The following TCF4 variants were observed in gnomAD, a reference collection of about 807,000 sequenced individuals.
TCF4 encodes SL3-3 enhancer factor 2.
Under a neutral mutation model 82.1 loss-of-function variants are expected in TCF4, and 3 were observed. The ratio of observed to expected loss-of-function variants is 0.04; its 90% CI spans 0.02 to 0.09. The LOEUF (loss-of-function observed/expected upper bound fraction) is 0.09. Among genes scored for constraint, TCF4 ranks in the 10% least tolerant of loss-of-function variants. The probability of loss-of-function intolerance (pLI) is 1.00; values close to 1 mark genes in which losing one functional copy is unlikely to be tolerated. For missense variants in TCF4, 518 were observed against 852.7 expected, an observed-to-expected ratio of 0.61 and a Z score of 4.89; for synonymous variants, 276 against 309.6, an observed-to-expected ratio of 0.89 and a Z score of 1.14.
chr18:55,248,145 G>A (rs1408352888), intron 15 of TCF4, among the ~76,000 whole-genome samples: 1 of 152,162 alleles, frequency 6.6e-6, no homozygotes, highest in African/African-American at 2.4e-5. Context: ...CCCAAGAGGA[G>A]CAACTGATAA....
intron 2 of TCF4, among the ~76,000 whole-genome samples, chr18:55,600,519 T>G (rs988216538): frequency 5.9e-5 from 9 of 152,206 alleles, no homozygotes; most frequent in Non-Finnish European, 1.0e-4. Flanking sequence ...ACCGTACACA[T>G]GGACTCCAAT....
chr18:55,554,720 C>A (rs1380421220), intron 3 of TCF4, among the ~76,000 whole-genome samples: 1 of 152,204 alleles, frequency 6.6e-6, no homozygotes, highest in Non-Finnish European at 1.5e-5. Flanking sequence ...GGGTGCCATG[C>A]AGTGGCCCTG....
At chr18:55,256,966 T>C (rs550457794) in intron 14 of TCF4, among the ~76,000 whole-genome samples, 6 of 152,250 alleles carry the variant, frequency 3.9e-5, no homozygotes, top group African/African-American at 1.4e-4. Context: ...AATCAAATGT[T>C]CCAGGTATAG....
At chr18:55,485,820 TTGA>T (rs1166435602) in intron 3 of TCF4, among the ~76,000 whole-genome samples, 1 of 152,226 alleles carries the variant, frequency 6.6e-6, no homozygotes, top group Non-Finnish European at 1.5e-5. Flanking sequence ...AGTCCCTGAC[TTGA>T]TGAAGGTTAA....
intron 5 of TCF4, among the ~76,000 whole-genome samples, chr18:55,416,245 GA>G (rs987681786): frequency 1.3e-5 from 2 of 149,682 alleles, no homozygotes; most frequent in Non-Finnish European, 1.5e-5. Flanking sequence ...AGCACAAATT[GA>G]AAAAAAAATT....
At chr18:55,538,167 T>C (rs1383931156) in intron 3 of TCF4, among the ~76,000 whole-genome samples, 2 of 152,164 alleles carry the variant, frequency 1.3e-5, no homozygotes, top group Non-Finnish European at 2.9e-5. Context: ...GAGTATGCTA[T>C]CATTTGCCTC....
At chr18:55,351,960 GT>G in intron 6 of TCF4, 1 of 779,754 alleles carries the variant, frequency 1.3e-6, no homozygotes, top group Non-Finnish European at 1.6e-6. Context: ...TAACTTTATC[GT>G]TACTTGTAAT....
chr18:55,538,036 A>G (rs1014095460), intron 3 of TCF4, among the ~76,000 whole-genome samples: 130 of 149,948 alleles, frequency 8.7e-4, no homozygotes, highest in Middle Eastern at 3.6e-3. Flanking sequence ...GCACACACAC[A>G]CACACACACA....
chr18:55,439,604 G>A (rs2095399663), intron 5 of TCF4, among the ~76,000 whole-genome samples: 1 of 152,172 alleles, frequency 6.6e-6, no homozygotes, highest in African/African-American at 2.4e-5. Context: ...TGATCACCTA[G>A]GACACAAAAA....
At chr18:55,316,757 T>A (rs2074245428) in intron 8 of TCF4, among the ~76,000 whole-genome samples, 1 of 152,114 alleles carries the variant, frequency 6.6e-6, no homozygotes, top group Admixed American at 6.6e-5. Flanking sequence ...CTATTAGATC[T>A]TTTTTCCTGA....
chr18:55,275,293 A>AAC (rs1358072045), intron 10 of TCF4, among the ~76,000 whole-genome samples: 1 of 149,926 alleles, frequency 6.7e-6, no homozygotes. Flanking sequence ...AAAAAAAAAA[A>AAC]AAAAACCAGG....
Position 55,588,051 on chromosome 18 carries a change from G to T in TCF4, c.-34C>A. ...GCCGGTACCTACCGCCCGCGCGCGA[G>T]AAGGGGCTCTCCGTGCACCGCCGGC... On this transcript the variant is annotated 5_prime_UTR_variant, in exon 1 of 20. Transcript: ENST00000354452. The T allele has an allele frequency of 1.0e-6, 1 of 984,444 alleles. No homozygotes were observed. Among genetic ancestry groups the T allele is most frequent in the African/African-American group, 1.8e-5 (1 of 56,970 alleles). The allele number at this position is 984,444 out of a possible 1,614,324, so 61.0% of individuals were successfully genotyped here.
intron 5 of TCF4, among the ~76,000 whole-genome samples, chr18:55,435,528 G>A (rs1323542343): frequency 1.3e-5 from 2 of 152,194 alleles, no homozygotes; most frequent in African/African-American, 4.8e-5. Flanking sequence ...GACACATAGT[G>A]CTGAGTATGT....
chr18:55,248,958 T>A (rs2054169198), intron 15 of TCF4, among the ~76,000 whole-genome samples: 1 of 152,206 alleles, frequency 6.6e-6, no homozygotes. Flanking sequence ...TTGGCCAGGC[T>A]GGCCTCGAAC....
chr18:55,527,232 C>T (rs2096995693), intron 3 of TCF4, among the ~76,000 whole-genome samples: 1 of 152,156 alleles, frequency 6.6e-6, no homozygotes, highest in Non-Finnish European at 1.5e-5. Context: ...CCTTCACATA[C>T]ATGTCTACAA....
chr18:55,402,072 G>A (rs983632775), intron 6 of TCF4: 25 of 985,248 alleles, frequency 2.5e-5, no homozygotes, highest in African/African-American at 5.2e-5. Flanking sequence ...AGATGTTTCC[G>A]TTGCGCTGGA....
At chr18:55,361,576 A>G (rs1457514881) in intron 6 of TCF4, among the ~76,000 whole-genome samples, 1 of 152,158 alleles carries the variant, frequency 6.6e-6, no homozygotes, top group African/African-American at 2.4e-5. Flanking sequence ...GCAAACAACC[A>G]TGAGGACTGG....
At chr18:55,279,786 T>C (rs2062175737) in intron 8 of TCF4, 130 bp from the exon 9 acceptor site, 2 of 1,408,776 alleles carry the variant, frequency 1.4e-6, no homozygotes. Context: ...GAACAAACCC[T>C]AGAAACAGTG....
intron 5 of TCF4, among the ~76,000 whole-genome samples, chr18:55,436,033 G>C (rs1020213581): frequency 2.6e-5 from 4 of 152,158 alleles, no homozygotes; most frequent in African/African-American, 9.7e-5. Flanking sequence ...ATCTATGAAA[G>C]AATCATAAGA....
Sources: allele counts gnomAD v4.1 joint callset (sites outside exome capture counted in the v4.1 genomes callset), GRCh38; gene constraint gnomAD v4.1.1; transcripts MANE v1.5; gene names NCBI Gene and HGNC (gene_info 2026-07-23, HGNC 2026-07-21).